Variants in PARP11 observed in about 807,000 individuals in gnomAD.
PARP11 encodes protein mono-ADP-ribosyltransferase PARP11.
Under a neutral mutation model 42.9 loss-of-function variants are expected in PARP11, and 31 were observed. That is an observed-to-expected ratio of 0.72 (90% CI 0.54 to 0.98). The LOEUF (loss-of-function observed/expected upper bound fraction) is 0.98, where lower values mean the gene tolerates loss of function less well. Ranked by LOEUF, PARP11 falls within the 50% of genes least tolerant of loss-of-function variation. The pLI is 0.00. For missense variants in PARP11, 365 were observed against 413.1 expected, an observed-to-expected ratio of 0.88 and a Z score of 1.01; for synonymous variants, 137 against 127.3, an observed-to-expected ratio of 1.08 and a Z score of -0.51.
chr12:3,815,171 A>C (rs1341062664), intron 6 of PARP11: 2 of 427,372 alleles, frequency 4.7e-6, no homozygotes, highest in African/African-American at 4.1e-5. Context: ...CATAAAAATC[A>C]TATTTTAAAA....
Position 3,860,574 on chromosome 12 carries a change from G to A in PARP11, c.18+12638C>T, listed in dbSNP as rs560280095. Reference sequence around the variant, plus strand: ...CCTTAAGATTTCATGGAACTTGCTCGGGACCTGTCACCCCTTTCTTCCTTC... The same window carrying A: ...CCTTAAGATTTCATGGAACTTGCTCAGGACCTGTCACCCCTTTCTTCCTTC... On this transcript the variant is annotated intron_variant, in intron 1 of 7. Transcript: ENST00000228820. Among the ~76,000 whole-genome samples, 19 of 152,286 alleles carry A rather than the reference G, an allele frequency of 1.2e-4. No individual in the cohort carries two copies. In the South Asian group the frequency reaches 3.3e-3, roughly 27 times the overall value.
At chr12:3,821,092 T>C (rs368847631) in intron 6 of PARP11, among the ~76,000 whole-genome samples, 35 of 152,338 alleles carry the variant, frequency 2.3e-4, no homozygotes, top group African/African-American at 7.5e-4. Context: ...TTGATAGGTG[T>C]TGAATCAGGA....
chr12:3,873,159 C>T (rs1402091500), intron 1 of PARP11, 53 bp downstream of exon 1: 4 of 1,433,956 alleles, frequency 2.8e-6, no homozygotes, highest in Non-Finnish European at 3.8e-6. Context: ...CCTCCCGCCC[C>T]TCTCTCATCA....
chr12:3,866,575 C>A (rs549437090), intron 1 of PARP11, among the ~76,000 whole-genome samples: 1 of 152,264 alleles, frequency 6.6e-6, no homozygotes, highest in African/African-American at 2.4e-5. Context: ...CCATTATATT[C>A]ACTCTCTGTT....
At position 3,847,668 on chromosome 12, in the gene PARP11, G is replaced by A. The variant is rs193187308; in HGVS notation, c.19-17650C>T. Among the ~76,000 whole-genome samples, 369 of 152,102 alleles carry A rather than the reference G, an allele frequency of 2.4e-3. 1 individual carries two copies. Among genetic ancestry groups the A allele is most frequent in the Non-Finnish European group, 3.0e-3 (201 of 67,972 alleles). On this transcript the variant is annotated intron_variant, in intron 1 of 7. Transcript: ENST00000228820. ...TCAACAAACTGGATATAGAAGAAAC[G>A]TATCTCAAAATAATAAAGGCCAGAT...
At chr12:3,863,135 G>A (rs1948328318) in intron 1 of PARP11, among the ~76,000 whole-genome samples, 1 of 152,090 alleles carries the variant, frequency 6.6e-6, no homozygotes, top group South Asian at 2.1e-4. Flanking sequence ...TACTGTAAGT[G>A]GAATTGCATT....
chr12:3,816,132 T>C (rs896785224), intron 6 of PARP11, among the ~76,000 whole-genome samples: 1 of 152,224 alleles, frequency 6.6e-6, no homozygotes, highest in African/African-American at 2.4e-5. Context: ...TTCAGAACTT[T>C]ATGTTCTCAC....
chr12:3,840,609 T>C lies in PARP11; in HGVS notation c.19-10591A>G. 3.1e-6 allele frequency: 4 copies of C among 1,306,252 alleles called. No individual in the cohort carries two copies. In the South Asian group the frequency reaches 4.7e-5, roughly 15 times the overall value. 80.9% of individuals were successfully genotyped at this position (1,306,252 alleles called of 1,614,324 possible). ...ATTCTGATCACACAAGTCGAGAATC[T>C]AACTATTGCTACTTCTCAGAGTAGC... is the stretch of plus-strand genomic sequence containing the variant. On this transcript the variant is annotated intron_variant, in intron 1 of 7. Coordinates refer to ENST00000228820, the MANE Select transcript of PARP11 (RefSeq NM_020367.6). This position sits in a 1 kb window ranked among gnomAD's most constrained non-coding sequence, Gnocchi z 4.4.
Position 3,842,479 on chromosome 12 carries a change from T to C in PARP11, c.19-12461A>G, listed in dbSNP as rs528457321. 17 of 1,606,578 alleles carry C rather than the reference T, an allele frequency of 1.1e-5. No individual in the cohort carries two copies. In the Admixed American group the frequency reaches 1.5e-4, roughly 14 times the overall value. On this transcript the variant is annotated intron_variant, in intron 1 of 7. Transcript: ENST00000228820. ...ACCATTTAGGGGAGATAGGAGGAGA[T>C]CAGGGATGGGAGATGGCCATAGGGG... is the stretch of plus-strand genomic sequence containing the variant.
chr12:3,861,059 T>C lies in PARP11; in HGVS notation c.18+12153A>G, dbSNP rs1232143316. 6.6e-6 allele frequency among the ~76,000 whole-genome samples: 1 copy of C among 152,216 alleles called. No homozygotes were observed. The highest frequency in any genetic ancestry group is 1.5e-5 in the Non-Finnish European group (1 of 68,030). ...ATTTGCCTCAGGATGAATCATACCT[T>C]GGGCTCAACTGCATCTGATTTAGAT... On this transcript the variant is annotated intron_variant, in intron 1 of 7. Transcript: ENST00000228820. This position sits in a 1 kb window ranked among gnomAD's most constrained non-coding sequence, Gnocchi z 4.6.
At chr12:3,870,677 T>C (rs1948460080) in intron 1 of PARP11, among the ~76,000 whole-genome samples, 2 of 152,204 alleles carry the variant, frequency 1.3e-5, no homozygotes, top group South Asian at 2.1e-4. Context: ...TGTTCTCTAG[T>C]TGAAGATACT....
At chr12:3,818,559 AAACAT>A (rs1372137185) in intron 6 of PARP11, among the ~76,000 whole-genome samples, 3 of 152,320 alleles carry the variant, frequency 2.0e-5, no homozygotes, top group African/African-American at 7.2e-5. Context: ...TAAATTTTAA[AAACAT>A]AACATAACAA....
intron 1 of PARP11, among the ~76,000 whole-genome samples, chr12:3,870,309 A>T (rs980248417): frequency 6.6e-6 from 1 of 152,260 alleles, no homozygotes; most frequent in African/African-American, 2.4e-5. Context: ...TAAGACAAAT[A>T]TGTCTTATTT....
chr12:3,862,237 G>A (rs1948305623), intron 1 of PARP11, among the ~76,000 whole-genome samples: 1 of 152,094 alleles, frequency 6.6e-6, no homozygotes, highest in Non-Finnish European at 1.5e-5. Context: ...TAGATCACTT[G>A]AAGTCAGTAG....
intron 1 of PARP11, among the ~76,000 whole-genome samples, chr12:3,859,239 T>C (rs1308201446): frequency 6.6e-6 from 1 of 151,984 alleles, no homozygotes; most frequent in Non-Finnish European, 1.5e-5. Flanking sequence ...ATTCCAACAT[T>C]TGAAAATAAT....
chr12:3,834,027 T>C (rs994860845), intron 1 of PARP11, among the ~76,000 whole-genome samples: 5 of 152,188 alleles, frequency 3.3e-5, no homozygotes, highest in African/African-American at 9.7e-5. Flanking sequence ...AGAATTTCTA[T>C]TCCAGGTACA....
intron 6 of PARP11, among the ~76,000 whole-genome samples, chr12:3,820,132 T>C (rs1947363530): frequency 6.6e-6 from 1 of 152,230 alleles, no homozygotes; most frequent in Non-Finnish European, 1.5e-5. Context: ...GGTCTGGCTC[T>C]CCAAGCTATG....
chr12:3,839,149 TC>T (rs896286677), intron 1 of PARP11, among the ~76,000 whole-genome samples: 69 of 149,624 alleles, frequency 4.6e-4, no homozygotes, highest in African/African-American at 1.6e-3. Flanking sequence ...GACCGCTGCC[TC>T]GGGCCGCCGC....
intron 1 of PARP11, among the ~76,000 whole-genome samples, chr12:3,831,744 C>T (rs1340688667): frequency 6.6e-6 from 1 of 152,112 alleles, no homozygotes; most frequent in Admixed American, 6.5e-5. Context: ...AGGATCAAAG[C>T]CTTCTGGTTT....
Sources: allele counts gnomAD v4.1 joint callset (sites outside exome capture counted in the v4.1 genomes callset), GRCh38; gene constraint gnomAD v4.1.1; non-coding constraint Gnocchi (gnomAD v3.1); transcripts MANE v1.5; gene names NCBI Gene and HGNC (gene_info 2026-07-23, HGNC 2026-07-21).